PDK4: variants seen among roughly 807,000 people sequenced by gnomAD.
PDK4 encodes the protein pyruvate dehydrogenase kinase 4, also known as pyruvate dehydrogenase kinase, isozyme 4.
In PDK4, 43 loss-of-function variants were observed where a neutral mutation model predicts 51.7. The ratio of observed to expected loss-of-function variants is 0.83; its 90% CI spans 0.65 to 1.07. The LOEUF is 1.07. PDK4 is among the 50% of genes least tolerant of loss of function. The pLI is 0.00. For missense variants in PDK4, 498 were observed against 503.5 expected (o/e 0.99, Z 0.10); for synonymous variants, 170 against 176.6 (o/e 0.96, Z 0.30).
At chr7:95,593,831 A>T in intron 2 of PDK4, 61 bp from the exon 3 acceptor site, 1 of 693,244 alleles carries the variant, frequency 1.4e-6, no homozygotes, top group Non-Finnish European at 2.5e-6. Context: ...AATGGCTGAA[A>T]ATAGAATAGC....
chr7:95,593,280 C>T (rs1791574833), intron 3 of PDK4, among the ~76,000 whole-genome samples: 1 of 151,880 alleles, frequency 6.6e-6, no homozygotes, highest in Non-Finnish European at 1.5e-5. Flanking sequence ...TCTAGAATGC[C>T]ATTGTGAAAA....
chr7:95,589,299 C>T (rs1486114008), intron 7 of PDK4, among the ~76,000 whole-genome samples: 1 of 152,174 alleles, frequency 6.6e-6, no homozygotes, highest in Non-Finnish European at 1.5e-5. Context: ...AACAAGGCCT[C>T]ATTCACTGAA....
chr7:95,591,862 A>T, intron 6 of PDK4, 126 bp downstream of exon 6: 3 of 574,460 alleles, frequency 5.2e-6, no homozygotes, highest in Non-Finnish European at 9.2e-6. Flanking sequence ...CTTCAAAAAA[A>T]ATGTGTACAA....
At chr7:95,586,773 C>A (rs1180742555) in intron 10 of PDK4, 12 of 395,312 alleles carry the variant, frequency 3.0e-5, no homozygotes, top group South Asian at 1.9e-4. Context: ...AATGTATTAA[C>A]CTTCTTAGGA....
intron 7 of PDK4, among the ~76,000 whole-genome samples, chr7:95,588,657 T>C (rs922230993): frequency 1.1e-4 from 17 of 152,204 alleles, no homozygotes; most frequent in African/African-American, 4.1e-4. Flanking sequence ...AAACAGGAAG[T>C]TCTGGAAAGA....
rs1012811983 is a variant in PDK4, at chr7:95,583,623, C to G, written c.*2018G>C. The G allele has an allele frequency of 6.6e-6, 1 of 152,492 alleles. No homozygotes were observed. Among genetic ancestry groups the G allele is most frequent in the Non-Finnish European group, 1.5e-5 (1 of 68,032 alleles). The allele number at this position is 152,492 out of a possible 1,614,324, so 9.4% of individuals were successfully genotyped here. ...GGCCTGAGTATTCAGTATCCATCTA[C>G]TAGAATCCTAAAGCTCTTCCCCAGA... On this transcript the variant is annotated 3_prime_UTR_variant, in exon 11 of 11. Transcript: ENST00000005178.
At position 95,593,874 on chromosome 7, in the gene PDK4, ATTATGTTCAAAC is replaced by A. The variant is rs1791582900; in HGVS notation, c.273-116_273-105del. The A allele has an allele frequency of 6.0e-6, 3 of 496,134 alleles. No individual in the cohort carries two copies. In the Admixed American group the frequency reaches 1.1e-4, roughly 18 times the overall value. The allele number at this position is 496,134 out of a possible 1,614,324, so 30.7% of individuals were successfully genotyped here. ...AATAATTTGAAAAGAGAAAGTAAGC[ATTATGTTCAAAC>A]TTAAAACTTTCCTCCAGAACATTTG... is the stretch of plus-strand genomic sequence containing the variant. On this transcript the variant is annotated intron_variant, in intron 2 of 10. Transcript: ENST00000005178.
chr7:95,596,035 C>T, intron 1 of PDK4, 129 bp downstream of exon 1: 2 of 1,048,294 alleles, frequency 1.9e-6, no homozygotes, highest in Non-Finnish European at 2.7e-6. Context: ...GGCGTCGAGG[C>T]TCCAGGGCTC....
chr7:95,596,128 C>T (rs529093584), intron 1 of PDK4, 36 bp downstream of exon 1: 2 of 1,583,860 alleles, frequency 1.3e-6, no homozygotes, highest in South Asian at 2.3e-5. Context: ...GTTCCCCAAC[C>T]CTAGGACCCA....
rs550213362 is a variant in PDK4, at chr7:95,584,202, T to A, written c.*1439A>T. ...GAGTGAGAGGCATTTAAAGAATCCA[T>A]ACTGCTTTCAAAACACCAGTTCTTC... On this transcript the variant is annotated 3_prime_UTR_variant, in exon 11 of 11. Transcript: ENST00000005178. 1 of 152,192 alleles carries A rather than the reference T, an allele frequency of 6.6e-6. No homozygotes were observed. The highest frequency in any genetic ancestry group is 1.5e-5 in the Non-Finnish European group (1 of 68,026). The allele number at this position is 152,192 out of a possible 1,614,324, so 9.4% of individuals were successfully genotyped here.
Position 95,587,772 on chromosome 7 carries a change from T to C in PDK4, c.825A>G (p.Pro275=), listed in dbSNP as rs1395456654. Residue 275 remains proline (P), a synonymous_variant, in exon 8 of 11, where the codon CCA becomes CCG. Transcript: ENST00000005178. ...TTCCCAAGACAACAATAACCTCTAT[T>C]GGTGTAAGGGAAGGCTGATTTTCCT... ...EHQENQPSLT[P]IEVIVVLGKE... 6.2e-7 allele frequency: 1 copy of C among 1,613,536 alleles called. No homozygotes were observed. Among genetic ancestry groups the C allele is most frequent in the Admixed American group, 1.7e-5 (1 of 60,020 alleles).
At position 95,587,642 on chromosome 7, in the gene PDK4, A is replaced by G. The variant is rs2116712127; in HGVS notation, c.870+85T>C. ...CACCTGGCATATATGACTGTTATCTATTGCAAAAAGCAGACAGCTTTATTA... is the reference window on the plus strand; with the variant it reads ...CACCTGGCATATATGACTGTTATCTGTTGCAAAAAGCAGACAGCTTTATTA... On this transcript the variant is annotated intron_variant, in intron 8 of 10. Coordinates refer to ENST00000005178, the MANE Select transcript of PDK4 (RefSeq NM_002612.4). 5.1e-6 allele frequency: 6 copies of G among 1,179,674 alleles called. No individual in the cohort carries two copies. The East Asian group carries it at 1.2e-4, about 23-fold the overall frequency. The allele number at this position is 1,179,674 out of a possible 1,614,324, so 73.1% of individuals were successfully genotyped here.
intron 10 of PDK4, among the ~76,000 whole-genome samples, chr7:95,586,194 G>GTTTT (rs11377701): frequency 0.017 from 2,016 of 120,742 alleles, 142 homozygotes; most frequent in African/African-American, 0.06. Context: ...ATGCACCAAG[G>GTTTT]TTTTTTTTTT....
chr7:95,590,602 T>C (rs1037506905), intron 6 of PDK4, among the ~76,000 whole-genome samples: 4 of 152,216 alleles, frequency 2.6e-5, no homozygotes, highest in African/African-American at 4.8e-5. Context: ...ACCCTGTTTA[T>C]GCTCAGAGAT....
chr7:95,587,144 C>A lies in PDK4; in HGVS notation c.982-21G>T, dbSNP rs746943695. On this transcript the variant is annotated intron_variant, in intron 9 of 10. Transcript: ENST00000005178. ...CCAGCCTAGAGAAGAGAGACGTTAT[C>A]AGGTAAAGAAGTGTATGTGATCACT... 3.5e-6 allele frequency: 5 copies of A among 1,409,154 alleles called. No individual in the cohort carries two copies. In the Admixed American group the frequency reaches 8.4e-5, roughly 24 times the overall value. The allele number at this position is 1,409,154 out of a possible 1,614,324, so 87.3% of individuals were successfully genotyped here. A position where few individuals can be genotyped will look rare whatever the true frequency, so the allele number is the denominator to read the frequency against.
At chr7:95,586,218 G>A (rs1330046131) in intron 10 of PDK4, among the ~76,000 whole-genome samples, 6 of 74,226 alleles carry the variant, frequency 8.1e-5, no homozygotes, top group South Asian at 4.3e-4. Context: ...TTTTTGAGAC[G>A]GAGTCTAGCT....
At chr7:95,592,140 C>A in intron 5 of PDK4, 75 bp from the exon 6 acceptor site, 1 of 694,528 alleles carries the variant, frequency 1.4e-6, no homozygotes, top group South Asian at 2.2e-5. Flanking sequence ...TCTTCAGTGT[C>A]TGTATTACCC....
chr7:95,584,935 T>G lies in PDK4; in HGVS notation c.*706A>C, dbSNP rs1206245899. On this transcript the variant is annotated 3_prime_UTR_variant, in exon 11 of 11. Transcript: ENST00000005178. ...CCTGACAATAAGTGTTTACTTAGTG[T>G]GTAAAGTGAACAAGAAAAGCAGCAT... The G allele has an allele frequency of 6.6e-6, 1 of 152,668 alleles. No individual in the cohort carries two copies. The highest frequency in any genetic ancestry group is 1.5e-5 in the Non-Finnish European group (1 of 68,038). 9.5% of individuals were successfully genotyped at this position (152,668 alleles called of 1,614,324 possible).
In PDK4 at chr7:95,596,256, G is replaced by T; in HGVS notation, c.38C>A (p.Ser13Ter). 2 of 1,592,512 alleles carry T rather than the reference G, an allele frequency of 1.3e-6. No homozygotes were observed. The highest frequency in any genetic ancestry group is 1.7e-6 in the Non-Finnish European group (2 of 1,169,784). ...GGGCACCAGGCCGGCGCCGTTGAGC[G>T]AGCCAGCGCTGCGCAGCACGAAGCG... Reference protein sequence around the residue: ...AARFVLRSAGSLNGAGLVPRE... With the variant: ...AARFVLRSAG The change falls in exon 1 of 11, where the codon TCG becomes TAG. Residue 13 changes from serine to a stop codon, truncating the protein, a stop_gained. Coordinates refer to ENST00000005178, the MANE Select transcript of PDK4 (RefSeq NM_002612.4). LOFTEE classifies it high-confidence loss of function.
Sources: gnomAD v4.1 joint callset for allele counts (sites outside exome capture counted in the v4.1 genomes callset) on GRCh38, gnomAD v4.1.1 for gene constraint, MANE v1.5 for transcripts, NCBI Gene and HGNC (gene_info 2026-07-23, HGNC 2026-07-21) for gene names.